The following PCCB variants were observed in gnomAD, a reference collection of about 807,000 sequenced individuals.
PCCB encodes propionyl-CoA carboxylase subunit beta, also known as propionyl-CoA carboxylase beta chain, mitochondrial.
A neutral mutation model predicts 60.7 loss-of-function variants in PCCB; 43 were observed. The observed-to-expected ratio is 0.71, with a 90% CI of 0.55 to 0.91. The LOEUF (loss-of-function observed/expected upper bound fraction) is 0.91. Among genes scored for constraint, PCCB ranks in the 40% least tolerant of loss-of-function variants. PCCB has a pLI of 0.00. For synonymous variants in PCCB, 276 were observed against 255.9 expected, an observed-to-expected ratio of 1.08 and a Z score of -0.75; for missense variants, 766 against 702.8, an observed-to-expected ratio of 1.09 and a Z score of -1.02.
chr3:136,274,859 C>T (rs1005577058), intron 5 of PCCB, among the ~76,000 whole-genome samples: 9 of 150,942 alleles, frequency 6.0e-5, no homozygotes, highest in Non-Finnish European at 1.5e-5. Flanking sequence ...TAGGGTCTTA[C>T]TCTGTTGCCC....
intron 5 of PCCB, among the ~76,000 whole-genome samples, chr3:136,270,126 T>A (rs1942154689): frequency 6.6e-6 from 1 of 152,018 alleles, no homozygotes; most frequent in African/African-American, 2.4e-5. Flanking sequence ...GAGATAATCA[T>A]GTGTTTTTTG....
intron 9 of PCCB, among the ~76,000 whole-genome samples, chr3:136,305,509 G>A (rs535247767): frequency 2.5e-5 from 3 of 120,270 alleles, no homozygotes; most frequent in Admixed American, 2.0e-4. Context: ...AGCACTTTGG[G>A]AGGCTGAGGC....
At chr3:136,287,244 G>C (rs1933457897) in intron 6 of PCCB, among the ~76,000 whole-genome samples, 1 of 152,026 alleles carries the variant, frequency 6.6e-6, no homozygotes, top group African/African-American at 2.4e-5. Context: ...TAAACAATGT[G>C]GATTAGCGTT....
intron 5 of PCCB, among the ~76,000 whole-genome samples, chr3:136,269,799 T>A (rs961363448): frequency 6.7e-6 from 1 of 148,572 alleles, no homozygotes; most frequent in South Asian, 2.1e-4. Flanking sequence ...GGCAGGAGAA[T>A]GCCGTGAACC....
chr3:136,270,085 A>C (rs1942152072), intron 5 of PCCB, among the ~76,000 whole-genome samples: 1 of 147,038 alleles, frequency 6.8e-6, no homozygotes, highest in African/African-American at 2.5e-5. Flanking sequence ...AAGGGTATTT[A>C]ATATTGTCAA....
chr3:136,259,448 G>A (rs1272097220), intron 3 of PCCB, among the ~76,000 whole-genome samples: 1 of 152,196 alleles, frequency 6.6e-6, no homozygotes, highest in Non-Finnish European at 1.5e-5. Flanking sequence ...CTGGGTGACA[G>A]AGCAAGACTT....
chr3:136,330,063 T>A lies in PCCB; in HGVS notation c.*37T>A. 1 of 1,613,544 alleles carries A rather than the reference T, an allele frequency of 6.2e-7. No individual in the cohort carries two copies. The highest frequency in any genetic ancestry group is 1.1e-5 in the South Asian group (1 of 91,040). ...GAAAAGAAACCAAGAACTGAATTAC[T>A]GTCTGCCCATTCACATCCCATTCCT... On this transcript the variant is annotated 3_prime_UTR_variant, in exon 15 of 15. Coordinates refer to ENST00000251654, the MANE Select transcript of PCCB (RefSeq NM_000532.5).
At chr3:136,319,386 A>ATTTTTTTTTTTTTTTT (rs796339351) in intron 10 of PCCB, among the ~76,000 whole-genome samples, 1 of 138,280 alleles carries the variant, frequency 7.2e-6, no homozygotes, top group African/African-American at 2.7e-5. Flanking sequence ...TTGATACACA[A>ATTTTTTTTTTTTTTTT]TTTTTTTTTT....
At chr3:136,299,908 G>A (rs976334937) in intron 8 of PCCB, among the ~76,000 whole-genome samples, 3 of 151,746 alleles carry the variant, frequency 2.0e-5, no homozygotes, top group African/African-American at 4.8e-5. Context: ...ACATATGTAT[G>A]CATGTATATG....
chr3:136,288,314 C>G (rs989814870), intron 6 of PCCB, among the ~76,000 whole-genome samples: 38 of 151,928 alleles, frequency 2.5e-4, no homozygotes, highest in African/African-American at 8.4e-4. Flanking sequence ...AAAATGATTT[C>G]TATTTATTTT....
At chr3:136,294,993 A>G (rs1020317470) in intron 7 of PCCB, among the ~76,000 whole-genome samples, 9 of 152,228 alleles carry the variant, frequency 5.9e-5, no homozygotes, top group African/African-American at 1.7e-4. Flanking sequence ...CACTGAAACA[A>G]AAAGTTCTTG....
At position 136,326,872 on chromosome 3, in the gene PCCB, C is replaced by T; in HGVS notation, c.1160C>T (p.Pro387Leu). The stretch of plus-strand genomic sequence containing the variant: ...AGATTCTGTGATGCATTCAATATTC[C>T]ACTCATCACTTTTGTTGATGTCCCT... ...FVRFCDAFNI[P>L]LITFVDVPGF... Residue 387 changes from proline to leucine, a missense_variant, in exon 11 of 15, where the codon CCA (proline) becomes CTA (leucine). By Grantham distance (98) the Pro-to-Leu change is moderately conservative. Coordinates refer to ENST00000251654, the MANE Select transcript of PCCB (RefSeq NM_000532.5). The T allele has an allele frequency of 3.7e-6, 6 of 1,612,930 alleles. No individual in the cohort carries two copies. The highest frequency in any genetic ancestry group is 5.1e-6 in the Non-Finnish European group (6 of 1,178,910).
At chr3:136,291,398 T>C (rs1437787396) in intron 6 of PCCB, among the ~76,000 whole-genome samples, 1 of 152,234 alleles carries the variant, frequency 6.6e-6, no homozygotes, top group African/African-American at 2.4e-5. Flanking sequence ...GTGTGTCTTA[T>C]GACTTATTCC....
At chr3:136,251,715 ACT>A (rs1941522339) in intron 1 of PCCB, among the ~76,000 whole-genome samples, 1 of 151,762 alleles carries the variant, frequency 6.6e-6, no homozygotes, top group Non-Finnish European at 1.5e-5. Context: ...GCTCCTGTAC[ACT>A]CTTTCTGTTG....
intron 5 of PCCB, among the ~76,000 whole-genome samples, chr3:136,276,299 C>A (rs1942328627): frequency 1.3e-5 from 2 of 152,132 alleles, no homozygotes; most frequent in Non-Finnish European, 2.9e-5. Flanking sequence ...TGGGTAAATG[C>A]AATACTCAGT....
At chr3:136,254,008 T>C (rs555611507) in intron 1 of PCCB, among the ~76,000 whole-genome samples, 69 of 152,182 alleles carry the variant, frequency 4.5e-4, no homozygotes, top group African/African-American at 1.6e-3. Flanking sequence ...TAAAAACTTA[T>C]TCTACTTTAC....
At chr3:136,259,823 G>A (rs2108143147) in intron 3 of PCCB, among the ~76,000 whole-genome samples, 1 of 152,260 alleles carries the variant, frequency 6.6e-6, no homozygotes, top group Middle Eastern at 3.4e-3. Context: ...AGCAATCTCT[G>A]CCCACTGCAG....
chr3:136,276,264 A>G (rs1199599273), intron 5 of PCCB, among the ~76,000 whole-genome samples: 1 of 152,172 alleles, frequency 6.6e-6, no homozygotes, highest in Non-Finnish European at 1.5e-5. Flanking sequence ...GTCCCTGGGT[A>G]GGAACCAGTT....
intron 6 of PCCB, among the ~76,000 whole-genome samples, chr3:136,284,709 T>C (rs1168099107): frequency 1.3e-5 from 2 of 152,178 alleles, no homozygotes; most frequent in Non-Finnish European, 2.9e-5. Context: ...ACAAAGTGCT[T>C]ACCACTTTGA....
Sources: gnomAD v4.1 joint callset for allele counts (sites outside exome capture counted in the v4.1 genomes callset) on GRCh38, gnomAD v4.1.1 for gene constraint, MANE v1.5 for transcripts, NCBI Gene and HGNC (gene_info 2026-07-23, HGNC 2026-07-21) for gene names.